Variants in TMEFF2 observed in about 807,000 individuals in gnomAD.
The protein encoded by TMEFF2 is tomoregulin-2.
In TMEFF2, 28 loss-of-function variants were observed where a neutral mutation model predicts 53.8. The ratio of observed to expected loss-of-function variants is 0.52; its 90% CI spans 0.39 to 0.71. The LOEUF (loss-of-function observed/expected upper bound fraction) is 0.71, where lower values mean the gene tolerates loss of function less well. Among genes scored for constraint, TMEFF2 ranks in the 30% least tolerant of loss-of-function variants. The probability of loss-of-function intolerance (pLI) is 0.00; values close to 1 mark genes in which losing one functional copy is unlikely to be tolerated. For synonymous variants in TMEFF2, 162 were observed against 166.3 expected, an observed-to-expected ratio of 0.97 and a Z score of 0.20; for missense variants, 353 against 455.2, an observed-to-expected ratio of 0.78 and a Z score of 2.04.
At chr2:192,151,328 C>T (rs559107568) in intron 4 of TMEFF2, among the ~76,000 whole-genome samples, 9 of 151,986 alleles carry the variant, frequency 5.9e-5, no homozygotes, top group African/African-American at 2.2e-4. Context: ...TTTTTAAAAA[C>T]TCTCCACATA....
intron 7 of TMEFF2, among the ~76,000 whole-genome samples, chr2:191,979,092 A>G (rs988852048): frequency 1.3e-5 from 2 of 152,220 alleles, no homozygotes; most frequent in African/African-American, 4.8e-5. Flanking sequence ...ATTAGGATTT[A>G]CCGGAGAAAT....
chr2:192,021,289 G>T (rs1686853455), intron 5 of TMEFF2, among the ~76,000 whole-genome samples: 1 of 152,048 alleles, frequency 6.6e-6, no homozygotes, highest in African/African-American at 2.4e-5. Context: ...AAAGAAAATA[G>T]AATTTTGATT....
chr2:191,996,492 AAATTT>A (rs1459475535), intron 7 of TMEFF2, among the ~76,000 whole-genome samples: 1 of 151,894 alleles, frequency 6.6e-6, no homozygotes, highest in African/African-American at 2.4e-5. Flanking sequence ...TATACAATTT[AAATTT>A]GTTTTCATTT....
rs76399451 is a variant in TMEFF2 at position 192,017,790 on chromosome 2, C to G, written c.537-18582G>C. ...AACCCAACCACTAGAATTCAACTGC[C>G]TGCTTCATATATCCACTTGGGTGTC... is the stretch of plus-strand genomic sequence containing the variant. On this transcript the variant is annotated intron_variant, in intron 5 of 9. Transcript: ENST00000272771. Among the ~76,000 whole-genome samples, 1,477 of 152,256 alleles carry G rather than the reference C, an allele frequency of 9.7e-3. 33 individuals are homozygous for G. The highest frequency in any genetic ancestry group is 0.033 in the African/African-American group (1,391 of 41,544).
chr2:192,047,309 T>C (rs951467526), intron 5 of TMEFF2, among the ~76,000 whole-genome samples: 3 of 152,218 alleles, frequency 2.0e-5, no homozygotes, highest in Admixed American at 6.5e-5. Flanking sequence ...TTTTTGCCTT[T>C]TTCCAAACTG....
chr2:192,019,028 ATCT>A (rs886248245), intron 5 of TMEFF2, among the ~76,000 whole-genome samples: 6 of 152,042 alleles, frequency 3.9e-5, no homozygotes, highest in African/African-American at 7.2e-5. Context: ...TTAAAGAAAA[ATCT>A]TCTTAGAAAT....
intron 5 of TMEFF2, chr2:192,036,628 T>TA (rs1324659765): frequency 5.9e-5 from 9 of 152,204 alleles, no homozygotes; most frequent in African/African-American, 1.2e-4. Context: ...CATGAAGGCC[T>TA]ACTAGCACCT....
intron 5 of TMEFF2, among the ~76,000 whole-genome samples, chr2:192,046,442 T>C (rs1221683048): frequency 2.0e-5 from 3 of 152,174 alleles, no homozygotes; most frequent in African/African-American, 7.2e-5. Context: ...TTTCTAGGAC[T>C]GGTGCAAGGT....
chr2:192,101,834 A>T (rs1472424436), intron 4 of TMEFF2, among the ~76,000 whole-genome samples: 1 of 152,222 alleles, frequency 6.6e-6, no homozygotes, highest in African/African-American at 2.4e-5. Context: ...TAAAGAAAAT[A>T]TCTGAAGGGG....
intron 4 of TMEFF2, among the ~76,000 whole-genome samples, chr2:192,163,428 T>C (rs954928154): frequency 5.3e-5 from 8 of 152,234 alleles, no homozygotes; most frequent in African/African-American, 1.7e-4. Context: ...GATTCTGTTG[T>C]CACAATCTGT....
In TMEFF2 at chr2:191,951,899, AGTC is replaced by A. The variant is rs1388912594; in HGVS notation, c.1029-1495_1029-1493del. Among the ~76,000 whole-genome samples the A allele has an allele frequency of 7.9e-5, 12 of 152,328 alleles. No homozygotes were observed. The East Asian group carries it at 1.7e-3, about 22-fold the overall frequency. ...TTTATTATAACATGGAAAATGAGTA[AGTC>A]TATGTGCCTTGGAAAAATAGCTTAC... On this transcript the variant is annotated intron_variant, in intron 9 of 9. Transcript: ENST00000272771.
intron 5 of TMEFF2, among the ~76,000 whole-genome samples, chr2:192,043,449 A>G (rs1687534305): frequency 6.6e-6 from 1 of 152,184 alleles, no homozygotes; most frequent in Non-Finnish European, 1.5e-5. Context: ...GTTTGCCAGA[A>G]TAACTGTGCA....
Position 192,194,774 on chromosome 2 carries a change from A to T in TMEFF2, c.-250T>A, listed in dbSNP as rs1243405094. 3.9e-5 allele frequency: 21 copies of T among 535,894 alleles called. No individual in the cohort carries two copies. The highest frequency in any genetic ancestry group is 7.1e-5 in the Non-Finnish European group (21 of 297,644). The allele number at this position is 535,894 out of a possible 1,614,324, so 33.2% of individuals were successfully genotyped here. ...GAGAAGCTGCGCCGGAGACGCGGGA[A>T]GCTGCTGCCATAAGGAGGGAGCTCT... On this transcript the variant is annotated 5_prime_UTR_variant, in exon 1 of 10. Transcript: ENST00000272771. This position sits in a 1 kb window ranked among gnomAD's most constrained non-coding sequence, Gnocchi z 4.2.
Position 192,153,891 on chromosome 2 carries a change from T to C in TMEFF2, c.439+25777A>G, listed in dbSNP as rs114680572. On this transcript the variant is annotated intron_variant, in intron 4 of 9. Transcript: ENST00000272771. ...GGCTGGCACAGGTTCAATCATTAAA[T>C]AAACATAAAATCGCTTTTTCATTTT... Among the ~76,000 whole-genome samples, 682 of 152,052 alleles carry C rather than the reference T, an allele frequency of 4.5e-3. 4 individuals are homozygous for C. Among genetic ancestry groups the C allele is most frequent in the Non-Finnish European group, 7.0e-3 (475 of 67,888 alleles).
chr2:192,075,332 T>TATATATATACATAC (rs796267672), intron 4 of TMEFF2, among the ~76,000 whole-genome samples: 2 of 88,148 alleles, frequency 2.3e-5, no homozygotes, highest in African/African-American at 8.2e-5. Context: ...TATATATATA[T>TATATATATACATAC]ACATACATAC....
In TMEFF2 at chr2:192,160,050, T is replaced by G. The variant is rs1360106706; in HGVS notation, c.439+19618A>C. ...TTTAGTATTCAGAAGATGTTTTCTATTGTGATATTACTGCCTGGAAAAAGG... is the reference window on the plus strand; with the variant it reads ...TTTAGTATTCAGAAGATGTTTTCTAGTGTGATATTACTGCCTGGAAAAAGG... On this transcript the variant is annotated intron_variant, in intron 4 of 9. Coordinates refer to ENST00000272771, the MANE Select transcript of TMEFF2 (RefSeq NM_016192.4). 3.3e-5 allele frequency among the ~76,000 whole-genome samples: 5 copies of G among 152,168 alleles called. No homozygotes were observed. In the East Asian group the frequency reaches 9.6e-4, roughly 29 times the overall value.
intron 7 of TMEFF2, among the ~76,000 whole-genome samples, chr2:191,992,367 A>G (rs746405363): frequency 4.5e-4 from 69 of 152,212 alleles, no homozygotes; most frequent in Non-Finnish European, 8.2e-4. Flanking sequence ...AATTCATTTT[A>G]TAAATATGAT....
chr2:192,079,545 G>A (rs1214383196), intron 4 of TMEFF2, among the ~76,000 whole-genome samples: 1 of 152,182 alleles, frequency 6.6e-6, no homozygotes, highest in Non-Finnish European at 1.5e-5. Flanking sequence ...GGCCTAGACG[G>A]TCATTGTGAG....
chr2:192,042,798 A>G (rs967024442), intron 5 of TMEFF2, among the ~76,000 whole-genome samples: 34 of 152,282 alleles, frequency 2.2e-4, no homozygotes, highest in African/African-American at 7.2e-4. Flanking sequence ...ACACAGAGAA[A>G]GAGGTTCAAA....
Sources: gnomAD v4.1 joint callset for allele counts (sites outside exome capture counted in the v4.1 genomes callset) on GRCh38, gnomAD v4.1.1 for gene constraint, Gnocchi (gnomAD v3.1) non-coding constraint, MANE v1.5 for transcripts, NCBI Gene and HGNC (gene_info 2026-07-23, HGNC 2026-07-21) for gene names.